CD38: variants seen among roughly 807,000 people sequenced by gnomAD.
The protein encoded by CD38 is CD38 molecule, also known as ADP-ribosyl cyclase/cyclic ADP-ribose hydrolase 1.
In CD38, 31 loss-of-function variants were observed where a neutral mutation model predicts 36.3. That is an observed-to-expected ratio of 0.85 (90% confidence interval 0.64 to 1.15). The LOEUF (loss-of-function observed/expected upper bound fraction) is 1.15. Ranked by LOEUF, CD38 falls within the 50% of genes most tolerant of loss-of-function variation. CD38 has a pLI of 0.00. For synonymous variants in CD38, 131 were observed against 135.2 expected (o/e 0.97, Z 0.22); for missense variants, 380 against 371.9 (o/e 1.02, Z -0.18).
At chr4:15,818,317 G>C (rs1196629790) in intron 2 of CD38, among the ~76,000 whole-genome samples, 2 of 152,140 alleles carry the variant, frequency 1.3e-5, no homozygotes, top group Non-Finnish European at 2.9e-5. Context: ...CATCTCTGAA[G>C]GAAAGGTAAC....
intron 1 of CD38, among the ~76,000 whole-genome samples, chr4:15,780,546 A>ACACACACG (rs1722674398): frequency 2.0e-5 from 3 of 151,612 alleles, no homozygotes; most frequent in African/African-American, 7.3e-5. Context: ...ACACACACAC[A>ACACACACG]CACACACACA....
At chr4:15,808,699 AG>A (rs1723398739) in intron 1 of CD38, among the ~76,000 whole-genome samples, 1 of 152,190 alleles carries the variant, frequency 6.6e-6, no homozygotes, top group Admixed American at 6.5e-5. Flanking sequence ...CTTAGGATGA[AG>A]GAATTATAGT....
At chr4:15,810,296 A>G (rs1178358859) in intron 1 of CD38, among the ~76,000 whole-genome samples, 4 of 152,244 alleles carry the variant, frequency 2.6e-5, no homozygotes, top group African/African-American at 9.6e-5. Flanking sequence ...TGGTGATTAT[A>G]TATAAACACA....
At chr4:15,787,663 C>G (rs908106172) in intron 1 of CD38, among the ~76,000 whole-genome samples, 5 of 152,176 alleles carry the variant, frequency 3.3e-5, no homozygotes, top group Admixed American at 6.5e-5. Flanking sequence ...GTTGCCAGGA[C>G]GTGTTCCTTG....
chr4:15,800,316 C>G (rs930389762), intron 1 of CD38, among the ~76,000 whole-genome samples: 1 of 152,048 alleles, frequency 6.6e-6, no homozygotes, highest in Admixed American at 6.6e-5. Context: ...TGAGTGAACA[C>G]CCAGAAATAG....
Position 15,848,609 on chromosome 4 carries a change from C to G in CD38, c.*7C>G. ...TTGCACATCTGAGATCTGAGCCAGTCGCTGTGGTTGTTTTAGCTCCTTGAC... is the reference window on the plus strand; with the variant it reads ...TTGCACATCTGAGATCTGAGCCAGTGGCTGTGGTTGTTTTAGCTCCTTGAC... On this transcript the variant is annotated 3_prime_UTR_variant, in exon 8 of 8. Coordinates refer to ENST00000226279, the MANE Select transcript of CD38 (RefSeq NM_001775.4). 2 of 1,612,178 alleles carry G rather than the reference C, an allele frequency of 1.2e-6. No individual in the cohort carries two copies. The highest frequency in any genetic ancestry group is 1.7e-6 in the Non-Finnish European group (2 of 1,178,452).
In CD38 at chr4:15,840,094, T is replaced by A; in HGVS notation, c.728T>A (p.Ile243Lys). The change falls in exon 6 of 8, where the codon ATA (isoleucine) becomes AAA (lysine). Residue 243 changes from isoleucine to lysine, a missense_variant. Ile to Lys is a moderately radical substitution (Grantham distance 102). Coordinates refer to ENST00000226279, the MANE Select transcript of CD38 (RefSeq NM_001775.4). ...GTTCAGACACTAGAGGCCTGGGTGA[T>A]ACATGGTGGAAGAGAAGATTCCAGG... is the stretch of plus-strand genomic sequence containing the variant. ...EKVQTLEAWV[I>K]HGGREDSRDL... 1 of 1,611,704 alleles carries A rather than the reference T, an allele frequency of 6.2e-7. No homozygotes were observed. Among genetic ancestry groups the A allele is most frequent in the Non-Finnish European group, 8.5e-7 (1 of 1,177,786 alleles).
intron 1 of CD38, among the ~76,000 whole-genome samples, chr4:15,808,568 CA>C (rs1553873636): frequency 6.6e-6 from 1 of 152,200 alleles, no homozygotes; most frequent in Non-Finnish European, 1.5e-5. Context: ...TAGAAGGTCA[CA>C]AAACCACTCT....
chr4:15,785,345 G>A (rs768499021), intron 1 of CD38, among the ~76,000 whole-genome samples: 38 of 152,196 alleles, frequency 2.5e-4, no homozygotes, highest in Admixed American at 1.8e-3. Flanking sequence ...AAGGCTCAGT[G>A]GGAAACAACA....
chr4:15,785,539 CT>C (rs34989864), intron 1 of CD38, among the ~76,000 whole-genome samples: 14 of 147,810 alleles, frequency 9.5e-5, no homozygotes, highest in African/African-American at 1.2e-4. Context: ...CGTTCCTTTT[CT>C]TTTTTTTTTT....
At chr4:15,803,922 G>A (rs774210426) in intron 1 of CD38, among the ~76,000 whole-genome samples, 6 of 152,070 alleles carry the variant, frequency 3.9e-5, no homozygotes, top group East Asian at 3.9e-4. Flanking sequence ...CTGTTTCTGC[G>A]TTAACTTGTT....
intron 4 of CD38, among the ~76,000 whole-genome samples, chr4:15,836,086 T>C (rs1383909153): frequency 2.0e-5 from 3 of 152,156 alleles, no homozygotes; most frequent in Admixed American, 6.5e-5. Flanking sequence ...CAGGTGGAAA[T>C]GTATTTGTTA....
In CD38 at chr4:15,840,477, A is replaced by G. The variant is rs1208209143; in HGVS notation, c.778A>G (p.Lys260Glu). ...AGACTTATGCCAGGATCCCACCATA[A>G]AAGAGCTGGAATCGATTATAAGCAA... ...SRDLCQDPTI[K>E]ELESIISKRN... The change falls in exon 7 of 8, where the codon AAA becomes GAA. Residue 260 changes from lysine to glutamate, a missense_variant. Physicochemically the swap from Lys to Glu is moderately conservative, Grantham distance 56. Transcript: ENST00000226279. 1.2e-6 allele frequency: 2 copies of G among 1,605,228 alleles called. No individual in the cohort carries two copies. The highest frequency in any genetic ancestry group is 1.7e-6 in the Non-Finnish European group (2 of 1,172,486).
chr4:15,826,243 T>C (rs752606604), intron 3 of CD38, among the ~76,000 whole-genome samples: 24 of 152,308 alleles, frequency 1.6e-4, no homozygotes, highest in Non-Finnish European at 2.9e-4. Context: ...CAATTTGATA[T>C]AGATCTTTCT....
intron 4 of CD38, 70 bp downstream of exon 4, chr4:15,834,372 T>C (rs909199838): frequency 2.2e-6 from 2 of 921,748 alleles, no homozygotes; most frequent in Admixed American, 3.6e-5. Context: ...CAGTCAGTGC[T>C]TGGTTTTAAC....
chr4:15,834,534 C>G (rs940637981), intron 4 of CD38, among the ~76,000 whole-genome samples: 1 of 152,114 alleles, frequency 6.6e-6, no homozygotes, highest in Non-Finnish European at 1.5e-5. Flanking sequence ...TTGCACGTAC[C>G]CACTCTGACT....
intron 1 of CD38, among the ~76,000 whole-genome samples, chr4:15,780,792 G>A (rs942707973): frequency 2.0e-5 from 3 of 152,048 alleles, no homozygotes; most frequent in Non-Finnish European, 4.4e-5. Flanking sequence ...CTTTCTTTCT[G>A]CACCTTATCA....
At chr4:15,789,080 C>T (rs1302386748) in intron 1 of CD38, among the ~76,000 whole-genome samples, 1 of 152,094 alleles carries the variant, frequency 6.6e-6, no homozygotes, top group African/African-American at 2.4e-5. Flanking sequence ...CTTGGTAAAC[C>T]TGGCAAACAG....
At chr4:15,839,427 T>C (rs1222815678) in intron 5 of CD38, among the ~76,000 whole-genome samples, 1 of 137,712 alleles carries the variant, frequency 7.3e-6, no homozygotes, top group African/African-American at 2.8e-5. Flanking sequence ...TTTTTTTTTT[T>C]TTTTTTTTTT....
Sources: gnomAD v4.1 joint callset for allele counts (sites outside exome capture counted in the v4.1 genomes callset) on GRCh38, gnomAD v4.1.1 for gene constraint, MANE v1.5 for transcripts, NCBI Gene and HGNC (gene_info 2026-07-23, HGNC 2026-07-21) for gene names.